The following ABCG1 variants were observed in gnomAD, a reference collection of about 807,000 sequenced individuals.
ABCG1 encodes ATP-binding cassette sub-family G member 1.
A neutral mutation model predicts 69.2 loss-of-function variants in ABCG1; 29 were observed. The observed-to-expected ratio is 0.42, with a 90% CI of 0.31 to 0.57. The LOEUF is 0.57. Among genes scored for constraint, ABCG1 ranks in the 20% least tolerant of loss-of-function variants. The probability of loss-of-function intolerance (pLI) is 0.15; values close to 1 mark genes in which losing one functional copy is unlikely to be tolerated. For synonymous variants in ABCG1, 370 were observed against 374.8 expected (o/e 0.99, Z 0.15); for missense variants, 718 against 898.1 (o/e 0.80, Z 2.56).
intron 2 of ABCG1, among the ~76,000 whole-genome samples, chr21:42,233,455 G>A (rs545906658): frequency 1.3e-5 from 2 of 152,252 alleles, no homozygotes; most frequent in African/African-American, 2.4e-5. Context: ...CCAGGCAGCC[G>A]GGCTATGTTT....
upstream of ABCG1, among the ~76,000 whole-genome samples, chr21:42,217,679 C>CTTTTTTTTTTTTTTTT (rs71190409): frequency 3.2e-5 from 2 of 61,598 alleles, no homozygotes; most frequent in Admixed American, 2.2e-4. Context: ...TGGATCTACT[C>CTTTTTTTTTTTTTTTT]TTTTTTTTTT....
At chr21:42,253,222 G>C (rs1012919710) in intron 2 of ABCG1, among the ~76,000 whole-genome samples, 1 of 152,112 alleles carries the variant, frequency 6.6e-6, no homozygotes, top group East Asian at 1.9e-4. Context: ...GCAGAGCTGG[G>C]GTAAAGGGCA....
rs547967567 is a variant in ABCG1 at position 42,232,296 on chromosome 21, C to G, written c.286+6382C>G. Among the ~76,000 whole-genome samples, 3 of 152,324 alleles carry G rather than the reference C, an allele frequency of 2.0e-5. No individual in the cohort carries two copies. The South Asian group carries it at 6.2e-4, about 32-fold the overall frequency. The stretch of plus-strand genomic sequence containing the variant: ...AAGGGGTCTAGATGCTCCCCTCCAG[C>G]CAGCACATTTTCTCCCTGTGAGCAC... On this transcript the variant is annotated intron_variant, in intron 2 of 14. Coordinates refer to ENST00000398449, the MANE Select transcript of ABCG1 (RefSeq NM_016818.3).
intron 2 of ABCG1, among the ~76,000 whole-genome samples, chr21:42,235,601 A>G (rs1191193904): frequency 6.6e-6 from 1 of 152,084 alleles, no homozygotes; most frequent in African/African-American, 2.4e-5. Context: ...CCAAAGGGGG[A>G]CTTCCAGGTT....
At chr21:42,250,942 C>T (rs1396140445) in intron 2 of ABCG1, among the ~76,000 whole-genome samples, 1 of 152,140 alleles carries the variant, frequency 6.6e-6, no homozygotes, top group Non-Finnish European at 1.5e-5. Context: ...AACAGCAGCA[C>T]TAAGTGGTAT....
chr21:42,259,381 C>T (rs2068365237), intron 2 of ABCG1: 1 of 1,550,338 alleles, frequency 6.5e-7, no homozygotes, highest in Non-Finnish European at 8.7e-7. Context: ...GTGTTTGTGA[C>T]AGACTGCGTG....
At chr21:42,227,672 A>G (rs954942826) in intron 2 of ABCG1, among the ~76,000 whole-genome samples, 1 of 152,168 alleles carries the variant, frequency 6.6e-6, no homozygotes, top group Non-Finnish European at 1.5e-5. Flanking sequence ...GTGTTTGTCC[A>G]TTTTCACACT....
At chr21:42,266,484 A>G (rs2068507876) in intron 2 of ABCG1, among the ~76,000 whole-genome samples, 1 of 152,084 alleles carries the variant, frequency 6.6e-6, no homozygotes, top group Non-Finnish European at 1.5e-5. Context: ...ATCTTAGGGA[A>G]CAAACCATAA....
intron 2 of ABCG1, chr21:42,206,878 T>C (rs1390163072): frequency 6.6e-6 from 1 of 151,916 alleles, no homozygotes; most frequent in Non-Finnish European, 1.5e-5. Context: ...GGCCAGTTTT[T>C]TTTTTTTTTC....
chr21:42,284,541 G>C lies in ABCG1; in HGVS notation c.735-19G>C, dbSNP rs373106829. On this transcript the variant is annotated intron_variant, in intron 6 of 14. Transcript: ENST00000398449. ...TTCCTGCCGCCCGCAGGCGTCTCAC[G>C]GTGCCTCTTGACTTGCAGCGGCCTG... The C allele has an allele frequency of 2.0e-5, 32 of 1,611,254 alleles. No homozygotes were observed. The highest frequency in any genetic ancestry group is 2.5e-5 in the Non-Finnish European group (30 of 1,179,784).
chr21:42,296,994 A>T lies in ABCG1; in HGVS notation c.*602A>T. ...TGAAGAATGATTCAGGGTAAATCAC[A>T]TACTTTGTTTAGAGAGGCGAGGGGT... On this transcript the variant is annotated 3_prime_UTR_variant, in exon 15 of 15. Coordinates refer to ENST00000398449, the MANE Select transcript of ABCG1 (RefSeq NM_016818.3). This position sits in a 1 kb window ranked among gnomAD's most constrained non-coding sequence, Gnocchi z 5.4. The T allele has an allele frequency of 6.3e-6, 1 of 158,354 alleles. No individual in the cohort carries two copies. Among genetic ancestry groups the T allele is most frequent in the East Asian group, 1.8e-4 (1 of 5,522 alleles). 9.8% of individuals were successfully genotyped at this position (158,354 alleles called of 1,614,324 possible).
rs1477626150 is a variant in ABCG1, at chr21:42,285,962, A to G, written c.941A>G (p.Asn314Ser). 1 of 1,613,932 alleles carries G rather than the reference A, an allele frequency of 6.2e-7. No homozygotes were observed. Among genetic ancestry groups the G allele is most frequent in the South Asian group, 1.1e-5 (1 of 91,078 alleles). Residue 314 changes from asparagine to serine, a missense_variant, in exon 8 of 15, where the codon AAC becomes AGC. By Grantham distance (46) the Asn-to-Ser change is conservative. Around this residue, in one of 2 missense-constraint regions of ABCG1, gnomAD observed 514 missense variants for 574.3 expected, o/e 0.90. Transcript: ENST00000398449. ...LVPYLRDLGL[N>S]CPTYHNPADF... ...CCATATTTGAGGGATTTGGGTCTGA[A>G]CTGCCCAACCTACCACAACCCAGCA...
In ABCG1 at chr21:42,219,386, A is replaced by T; in HGVS notation, c.42+82A>T. ...AAACACACAAAGACTCGCAAGCTCGACCTGACACCCCTCCCAGGAGCGCGT... is the reference window on the plus strand; with the variant it reads ...AAACACACAAAGACTCGCAAGCTCGTCCTGACACCCCTCCCAGGAGCGCGT... On this transcript the variant is annotated intron_variant, in intron 1 of 14. Coordinates refer to ENST00000398449, the MANE Select transcript of ABCG1 (RefSeq NM_016818.3). This position sits in a 1 kb window ranked among gnomAD's most constrained non-coding sequence, Gnocchi z 5.3. 1 of 1,536,410 alleles carries T rather than the reference A, an allele frequency of 6.5e-7. No homozygotes were observed. The highest frequency in any genetic ancestry group is 8.7e-7 in the Non-Finnish European group (1 of 1,144,606).
intron 10 of ABCG1, among the ~76,000 whole-genome samples, chr21:42,289,380 A>G (rs1307539529): frequency 6.6e-6 from 1 of 152,194 alleles, no homozygotes; most frequent in African/African-American, 2.4e-5. Flanking sequence ...GAAGTGGCAA[A>G]TCATCACTTG....
rs1034527995 is a variant in ABCG1, at chr21:42,287,521, C to T, written c.974-368C>T. 6.6e-6 allele frequency among the ~76,000 whole-genome samples: 1 copy of T among 152,172 alleles called. No homozygotes were observed. The highest frequency in any genetic ancestry group is 2.4e-5 in the African/African-American group (1 of 41,432). ...ACCACAAGCTCCTCAAGGAGGAGTC[C>T]CTCAGGGAGGAGTCCTTCGTTCTGC... On this transcript the variant is annotated intron_variant, in intron 8 of 14. Coordinates refer to ENST00000398449, the MANE Select transcript of ABCG1 (RefSeq NM_016818.3). This position sits in a 1 kb window ranked among gnomAD's most constrained non-coding sequence, Gnocchi z 6.2.
chr21:42,234,526 C>T (rs2067948489), intron 2 of ABCG1, among the ~76,000 whole-genome samples: 1 of 152,220 alleles, frequency 6.6e-6, no homozygotes, highest in Non-Finnish European at 1.5e-5. Context: ...CACCTCTGCC[C>T]ACCCTGGCCC....
At chr21:42,224,719 C>A (rs991702029) in intron 1 of ABCG1, among the ~76,000 whole-genome samples, 2 of 152,176 alleles carry the variant, frequency 1.3e-5, no homozygotes, top group African/African-American at 4.8e-5. Flanking sequence ...AAAAGCACAG[C>A]AATTTGCTCC....
At chr21:42,212,944 T>C (rs181786937), upstream of ABCG1, among the ~76,000 whole-genome samples, 183 of 152,248 alleles carry the variant, frequency 1.2e-3, 4 homozygotes, top group East Asian at 0.029. Flanking sequence ...CCGCCCGCCT[T>C]GGCCTCCCAA....
At position 42,291,500 on chromosome 21, in the gene ABCG1, C is replaced by T. The variant is rs1215150999; in HGVS notation, c.1497C>T (p.Ile499=). 3 of 1,607,690 alleles carry T rather than the reference C, an allele frequency of 1.9e-6. No individual in the cohort carries two copies. The highest frequency in any genetic ancestry group is 1.7e-6 in the Non-Finnish European group (2 of 1,175,190). The change falls in exon 13 of 15, where the codon ATC becomes ATT. Residue 499 remains isoleucine (I), a splice_region_variant and synonymous_variant. Coordinates refer to ENST00000398449, the MANE Select transcript of ABCG1 (RefSeq NM_016818.3). The surrounding 1 kb of genome is among the most constrained non-coding windows in gnomAD (Gnocchi z 6.4). ...GGCTGACGGGTCCTTGTTTCCAGAT[C>T]ATGTTCCCAGTGGCCTACTGCAGCA... is the stretch of plus-strand genomic sequence containing the variant. ...AKTMADVPFQ[I]MFPVAYCSIV...
Sources: allele counts gnomAD v4.1 joint callset (sites outside exome capture counted in the v4.1 genomes callset), GRCh38; gene constraint gnomAD v4.1.1; regional missense constraint gnomAD v4.1.1; non-coding constraint Gnocchi (gnomAD v3.1); transcripts MANE v1.5; gene names NCBI Gene and HGNC (gene_info 2026-07-23, HGNC 2026-07-21).